SLC9A8: variants seen among roughly 807,000 people sequenced by gnomAD.
SLC9A8 encodes the protein solute carrier family 9 member A8, also known as sodium/hydrogen exchanger 8.
Under a neutral mutation model 66.6 loss-of-function variants are expected in SLC9A8, and 48 were observed. The observed-to-expected ratio is 0.72, with a 90% CI of 0.57 to 0.92. The LOEUF (loss-of-function observed/expected upper bound fraction) is 0.92. Among genes scored for constraint, SLC9A8 ranks in the 40% least tolerant of loss-of-function variants. SLC9A8 has a pLI of 0.00. For synonymous variants in SLC9A8, 274 were observed against 282.6 expected (o/e 0.97, Z 0.31); for missense variants, 599 against 747.3 (o/e 0.80, Z 2.31).
chr20:49,844,865 G>A (rs1246725670), intron 4 of SLC9A8, among the ~76,000 whole-genome samples, 171 bp from the exon 5 acceptor site: 2 of 149,728 alleles, frequency 1.3e-5, no homozygotes, highest in Admixed American at 1.3e-4. Context: ...TTTTTTTTTG[G>A]TGGGGGAATC....
chr20:49,831,406 T>G (rs926772943), intron 3 of SLC9A8, among the ~76,000 whole-genome samples: 166 of 98,836 alleles, frequency 1.7e-3, no homozygotes, highest in African/African-American at 5.8e-3. Context: ...ACACACACTC[T>G]CTCTCTCTCT....
chr20:49,828,781 G>A (rs1289540177), intron 3 of SLC9A8, among the ~76,000 whole-genome samples: 1 of 151,868 alleles, frequency 6.6e-6, no homozygotes, highest in East Asian at 2.0e-4. Flanking sequence ...GGAGGTTGCA[G>A]TGAGCCAAGA....
At chr20:49,845,434 G>A (rs1464899039) in intron 5 of SLC9A8, among the ~76,000 whole-genome samples, 2 of 152,236 alleles carry the variant, frequency 1.3e-5, no homozygotes, top group Non-Finnish European at 2.9e-5. Flanking sequence ...CGTCTTCCTG[G>A]ACACAGACTG....
chr20:49,841,758 C>G (rs2087769649), intron 4 of SLC9A8, among the ~76,000 whole-genome samples: 1 of 151,838 alleles, frequency 6.6e-6, no homozygotes, highest in Non-Finnish European at 1.5e-5. Flanking sequence ...CCATGCCCAG[C>G]TAATTTTTGT....
Position 49,837,053 on chromosome 20 carries a change from A to G in SLC9A8, c.290-2488A>G, listed in dbSNP as rs144734725. ...AAATTCCTTGTGGACAAAGGACAGA[A>G]CTCAAAGTCACCCCTCTCTTTGTTG... On this transcript the variant is annotated intron_variant, in intron 3 of 15. Coordinates refer to ENST00000361573, the MANE Select transcript of SLC9A8 (RefSeq NM_015266.3). 4.0e-3 allele frequency among the ~76,000 whole-genome samples: 611 copies of G among 152,288 alleles called. 6 individuals carry two copies. The highest frequency in any genetic ancestry group is 0.014 in the African/African-American group (586 of 41,538).
intron 10 of SLC9A8, among the ~76,000 whole-genome samples, chr20:49,869,517 C>T (rs995213834): frequency 2.6e-5 from 4 of 151,264 alleles, no homozygotes; most frequent in Admixed American, 6.6e-5. Context: ...CCACCGCGCC[C>T]GGCCAACATA....
chr20:49,861,482 G>T (rs1007728025), intron 8 of SLC9A8, among the ~76,000 whole-genome samples: 7 of 152,182 alleles, frequency 4.6e-5, no homozygotes, highest in African/African-American at 1.7e-4. Flanking sequence ...AGCAGAGGTT[G>T]CAGTGAGCTG....
chr20:49,867,584 A>G (rs1350073987), intron 10 of SLC9A8, among the ~76,000 whole-genome samples: 1 of 152,214 alleles, frequency 6.6e-6, no homozygotes, highest in South Asian at 2.1e-4. Context: ...TAGATGTCCA[A>G]GAGCTCTCTT....
At chr20:49,817,326 C>G (rs768977742) in intron 2 of SLC9A8, among the ~76,000 whole-genome samples, 21 of 151,478 alleles carry the variant, frequency 1.4e-4, no homozygotes, top group African/African-American at 4.1e-4. Context: ...CCCCACCCCC[C>G]CAAAAAAACA....
At chr20:49,813,528 G>C (rs74273888) in intron 1 of SLC9A8, among the ~76,000 whole-genome samples, 13,984 of 152,244 alleles carry the variant, frequency 0.092, 727 homozygotes, top group Middle Eastern at 0.13. Flanking sequence ...ATTAATTAAC[G>C]TTATTTGTGC....
At position 49,852,083 on chromosome 20, in the gene SLC9A8, C is replaced by T. The variant is rs187000854; in HGVS notation, c.569+1239C>T. Among the ~76,000 whole-genome samples the T allele has an allele frequency of 1.4e-3, 216 of 152,270 alleles. 1 individual carries two copies. The highest frequency in any genetic ancestry group is 6.8e-3 in the Middle Eastern group (2 of 294). On this transcript the variant is annotated intron_variant, in intron 7 of 15. Transcript: ENST00000361573. ...AGTTTCCTTTGCTGTTAGAAAGTGACGATCCCTCAGATGGGGACTGCTCTG... is the reference window on the plus strand; with the variant it reads ...AGTTTCCTTTGCTGTTAGAAAGTGATGATCCCTCAGATGGGGACTGCTCTG...
At chr20:49,819,004 A>G (rs987901888) in intron 2 of SLC9A8, among the ~76,000 whole-genome samples, 6 of 152,240 alleles carry the variant, frequency 3.9e-5, no homozygotes, top group African/African-American at 7.2e-5. Context: ...AGCACATGAC[A>G]GGATTACAGT....
chr20:49,875,874 A>C (rs1412136905), intron 11 of SLC9A8, among the ~76,000 whole-genome samples: 1 of 151,974 alleles, frequency 6.6e-6, no homozygotes, highest in East Asian at 1.9e-4. Flanking sequence ...AGCTGGGACT[A>C]TAGGTGCCCG....
intron 7 of SLC9A8, 80 bp from the exon 8 acceptor site, chr20:49,855,358 T>C: frequency 7.3e-7 from 1 of 1,377,548 alleles, no homozygotes; most frequent in Non-Finnish European, 1.0e-6. Context: ...CTGTTAAATA[T>C]GGCCTTTGAC....
intron 13 of SLC9A8, among the ~76,000 whole-genome samples, chr20:49,882,168 G>A (rs1456058478): frequency 6.6e-6 from 1 of 152,062 alleles, no homozygotes; most frequent in Non-Finnish European, 1.5e-5. Context: ...TCCTCCTCAT[G>A]TCCCCCGCAG....
chr20:49,889,798 C>G lies in SLC9A8; in HGVS notation c.*1862C>G. 6.6e-6 allele frequency: 1 copy of G among 152,194 alleles called. No homozygotes were observed. Among genetic ancestry groups the G allele is most frequent in the East Asian group, 1.9e-4 (1 of 5,192 alleles). 9.4% of individuals were successfully genotyped at this position (152,194 alleles called of 1,614,324 possible). A position where few individuals can be genotyped will look rare whatever the true frequency, so the allele number is the denominator to read the frequency against. On this transcript the variant is annotated 3_prime_UTR_variant, in exon 16 of 16. Coordinates refer to ENST00000361573, the MANE Select transcript of SLC9A8 (RefSeq NM_015266.3). ...CAGGGATCTGAGACCAGATTGTTCT[C>G]GCACCCCTGCCAGAACTCACTCTCC...
At chr20:49,871,798 A>G (rs1234076306) in intron 10 of SLC9A8, among the ~76,000 whole-genome samples, 2 of 152,238 alleles carry the variant, frequency 1.3e-5, no homozygotes, top group Non-Finnish European at 2.9e-5. Context: ...CACAGGTGGC[A>G]GCTGTGGTCC....
chr20:49,874,264 C>CA lies in SLC9A8; in HGVS notation c.959-433dup, dbSNP rs1216345267. 1.3e-4 allele frequency among the ~76,000 whole-genome samples: 20 copies of CA among 150,454 alleles called. No homozygotes were observed. The East Asian group carries it at 1.4e-3, about 10-fold the overall frequency. The stretch of plus-strand genomic sequence containing the variant: ...CAAGAGCAAAACTCTGTCCCCCCCC[C>CA]AAAAAAAAGGGTGGGGGGGTAGTGC... On this transcript the variant is annotated intron_variant, in intron 10 of 15. Coordinates refer to ENST00000361573, the MANE Select transcript of SLC9A8 (RefSeq NM_015266.3).
intron 8 of SLC9A8, among the ~76,000 whole-genome samples, chr20:49,856,818 C>A (rs1369411126): frequency 1.5e-5 from 2 of 133,468 alleles, no homozygotes; most frequent in East Asian, 2.0e-4. Context: ...GAGACTCCGT[C>A]TCAAAAAAAA....
Sources: gnomAD v4.1 joint callset for allele counts (sites outside exome capture counted in the v4.1 genomes callset) on GRCh38, gnomAD v4.1.1 for gene constraint, MANE v1.5 for transcripts, NCBI Gene and HGNC (gene_info 2026-07-23, HGNC 2026-07-21) for gene names.